The following FAM110B variants were observed in gnomAD, a reference collection of about 807,000 sequenced individuals.
The protein encoded by FAM110B is family with sequence similarity 110 member B, also known as protein FAM110B.
In FAM110B, 6 loss-of-function variants were observed where a neutral mutation model predicts 20.4. The observed-to-expected ratio is 0.29, with a 90% confidence interval of 0.16 to 0.58. The LOEUF (loss-of-function observed/expected upper bound fraction) is 0.58. Among genes scored for constraint, FAM110B ranks in the 20% least tolerant of loss-of-function variants. FAM110B has a pLI of 0.90. For missense variants in FAM110B, 434 were observed against 498.2 expected (o/e 0.87, Z 1.23); for synonymous variants, 226 against 214.1 (o/e 1.06, Z -0.49).
chr8:58,137,429 C>A (rs1479313499), intron 3 of FAM110B, among the ~76,000 whole-genome samples: 1 of 152,168 alleles, frequency 6.6e-6, no homozygotes, highest in Non-Finnish European at 1.5e-5. Context: ...GGCGTAGTGG[C>A]AGGCGCCTGT....
intron 3 of FAM110B, among the ~76,000 whole-genome samples, chr8:58,116,294 T>C (rs904573580): frequency 6.6e-6 from 1 of 152,178 alleles, no homozygotes; most frequent in African/African-American, 2.4e-5. Flanking sequence ...CTCTAACCCG[T>C]GAGTCTGAGC....
At chr8:57,996,341 C>T (rs1298502417) in intron 1 of FAM110B, among the ~76,000 whole-genome samples, 1 of 152,154 alleles carries the variant, frequency 6.6e-6, no homozygotes, top group Non-Finnish European at 1.5e-5. Context: ...TTTAATTTTT[C>T]TTATCAAGCT....
intron 1 of FAM110B, among the ~76,000 whole-genome samples, chr8:58,014,182 A>C (rs1804594698): frequency 6.6e-6 from 1 of 152,130 alleles, no homozygotes. Flanking sequence ...TAGTAAGAAC[A>C]CTTAGGATCA....
chr8:58,131,228 G>A (rs1262584654), intron 3 of FAM110B, among the ~76,000 whole-genome samples: 1 of 152,102 alleles, frequency 6.6e-6, no homozygotes, highest in Non-Finnish European at 1.5e-5. Flanking sequence ...AGTCTTTCCT[G>A]TATCAATGCA....
At chr8:58,075,322 T>C (rs1052166071) in intron 2 of FAM110B, among the ~76,000 whole-genome samples, 1 of 145,026 alleles carries the variant, frequency 6.9e-6, no homozygotes, top group Non-Finnish European at 1.5e-5. Flanking sequence ...TTTCATCATG[T>C]TGGGCAGGCT....
At chr8:58,023,542 C>T (rs538557435) in intron 1 of FAM110B, among the ~76,000 whole-genome samples, 346 of 152,252 alleles carry the variant, frequency 2.3e-3, no homozygotes, top group African/African-American at 7.5e-3. Flanking sequence ...AGGAAGGTGG[C>T]CCTACCATTC....
chr8:58,135,976 T>A (rs1316853068), intron 3 of FAM110B, among the ~76,000 whole-genome samples: 1 of 146,638 alleles, frequency 6.8e-6, no homozygotes, highest in Non-Finnish European at 1.5e-5. Context: ...ATCCACTAAC[T>A]CTCAGACTTA....
At chr8:58,139,591 G>C (rs1270742008) in intron 3 of FAM110B, among the ~76,000 whole-genome samples, 1 of 152,146 alleles carries the variant, frequency 6.6e-6, no homozygotes, top group African/African-American at 2.4e-5. Flanking sequence ...GTATAAAAGG[G>C]GTTAATGAAA....
At position 58,147,155 on chromosome 8, in the gene FAM110B, C is replaced by T; in HGVS notation, c.925C>T (p.Arg309Cys). 1 of 1,614,130 alleles carries T rather than the reference C, an allele frequency of 6.2e-7. No individual in the cohort carries two copies. Among genetic ancestry groups the T allele is most frequent in the Non-Finnish European group, 8.5e-7 (1 of 1,180,036 alleles). ...TTCTGACATAATATCCCTCAACTTC[C>T]GCAGCGCAAGCATGATCAGCTCAGA... ...ANSDIISLNF[R>C]SASMISSDCE... The change falls in exon 4 of 4, where the codon CGC (arginine) becomes TGC (cysteine). Residue 309 changes from arginine to cysteine, a missense_variant. Arg to Cys is a radical substitution (Grantham distance 180, BLOSUM62 -3). Transcript: ENST00000519262.
At chr8:58,068,598 T>TA (rs11342170) in intron 2 of FAM110B, among the ~76,000 whole-genome samples, 81 of 147,544 alleles carry the variant, frequency 5.5e-4, no homozygotes, top group East Asian at 3.4e-3. Flanking sequence ...TAGCTAAAAA[T>TA]AAAAAAAAAA....
intron 2 of FAM110B, among the ~76,000 whole-genome samples, chr8:58,074,405 A>G (rs955343542): frequency 2.0e-5 from 3 of 152,086 alleles, no homozygotes; most frequent in African/African-American, 2.4e-5. Context: ...CACAGCGCGG[A>G]GAATGGCACT....
At chr8:58,064,008 A>G (rs1402653792) in intron 2 of FAM110B, among the ~76,000 whole-genome samples, 4 of 152,212 alleles carry the variant, frequency 2.6e-5, no homozygotes, top group African/African-American at 9.6e-5. Context: ...GGCAGAAGGC[A>G]AAGGGAAGCA....
chr8:58,079,515 G>A (rs193179075), intron 3 of FAM110B, among the ~76,000 whole-genome samples: 85 of 152,210 alleles, frequency 5.6e-4, no homozygotes, highest in Non-Finnish European at 1.0e-3. Context: ...GGTGGCTTAC[G>A]CTTGTAATCG....
At chr8:58,019,336 CAAAAAAAAAAAAAA>C (rs61622368) in intron 1 of FAM110B, among the ~76,000 whole-genome samples, 1 of 78,374 alleles carries the variant, frequency 1.3e-5, no homozygotes, top group Non-Finnish European at 2.2e-5. Flanking sequence ...GACTCTGTCT[CAAAAAAAAAAAAAA>C]AAAAAAAAAA....
intron 3 of FAM110B, among the ~76,000 whole-genome samples, chr8:58,101,842 A>G (rs548378019): frequency 1.3e-5 from 2 of 152,262 alleles, no homozygotes; most frequent in South Asian, 4.1e-4. Context: ...CTCTGAAGCT[A>G]CAAGTACAGC....
chr8:57,998,744 C>T, intron 1 of FAM110B, among the ~76,000 whole-genome samples: 1 of 152,270 alleles, frequency 6.6e-6, no homozygotes, highest in East Asian at 1.9e-4. Context: ...CTTAGTTTTT[C>T]ATTCTTTGTG....
intron 3 of FAM110B, among the ~76,000 whole-genome samples, chr8:58,132,815 C>G (rs1336307170): frequency 6.6e-6 from 1 of 152,190 alleles, no homozygotes; most frequent in Admixed American, 6.6e-5. Context: ...AAATTATGCT[C>G]TTTCTTGTTA....
At position 58,147,306 on chromosome 8, in the gene FAM110B, A is replaced by G. The variant is rs780045603; in HGVS notation, c.1076A>G (p.Lys359Arg). ...ATCATCAAGTGGTTATATAGCATCA[A>G]ACAAGCTAGAGAGTCACAGAAGGTC... ...ARIIKWLYSI[K>R]QARESQKVSH... The change falls in exon 4 of 4, where the codon AAA becomes AGA. Residue 359 changes from lysine (K) to arginine (R), a missense_variant. Coordinates refer to ENST00000519262, the MANE Select transcript of FAM110B (RefSeq NM_001377989.1). 2.5e-6 allele frequency: 4 copies of G among 1,614,138 alleles called. No homozygotes were observed. The highest frequency in any genetic ancestry group is 1.1e-5 in the South Asian group (1 of 91,084).
chr8:58,028,157 G>GC (rs1804889189), intron 1 of FAM110B, among the ~76,000 whole-genome samples: 1 of 152,168 alleles, frequency 6.6e-6, no homozygotes, highest in South Asian at 2.1e-4. Flanking sequence ...AGGCTGGAGT[G>GC]CAGTGCTGCG....
Sources: allele counts gnomAD v4.1 joint callset (sites outside exome capture counted in the v4.1 genomes callset), GRCh38; gene constraint gnomAD v4.1.1; transcripts MANE v1.5; gene names NCBI Gene and HGNC (gene_info 2026-07-23, HGNC 2026-07-21).